Variants in AMMECR1 observed in about 807,000 individuals in gnomAD.
AMMECR1 encodes the protein nuclear protein AMMECR1.
Under a neutral mutation model 22.5 loss-of-function variants are expected in AMMECR1, and 3 were observed. The ratio of observed to expected loss-of-function variants is 0.13; its 90% CI spans 0.06 to 0.35. The LOEUF is 0.35. Ranked by LOEUF, AMMECR1 falls within the 10% of genes least tolerant of loss-of-function variation. The pLI, the probability that AMMECR1 is intolerant of heterozygous loss-of-function variation, is 1.00. For missense variants in AMMECR1, 235 were observed against 278.7 expected (o/e 0.84, Z 1.12); for synonymous variants, 130 against 116.7 (o/e 1.11, Z -0.74).
intron 2 of AMMECR1, among the ~76,000 whole-genome samples, chrX:110,410,758 T>G (rs921731548): frequency 1.1e-4 from 12 of 111,124 alleles, no homozygotes; most frequent in Non-Finnish European, 1.9e-4. Context: ...TCACCTGTCG[T>G]TTCAAGATAA....
intron 2 of AMMECR1, among the ~76,000 whole-genome samples, chrX:110,375,192 G>A (rs138278729): frequency 0.026 from 2,854 of 111,790 alleles, 86 homozygotes; most frequent in African/African-American, 0.087. Context: ...TGGTATTTAG[G>A]CAGAATAATC....
intron 2 of AMMECR1, among the ~76,000 whole-genome samples, chrX:110,413,669 G>A (rs1301665781): frequency 2.8e-5 from 3 of 107,275 alleles, no homozygotes; most frequent in African/African-American, 1.0e-4. Context: ...TTCATCATCA[G>A]TCAGAACCCC....
rs184741008 is a variant in AMMECR1 at position 110,217,991 on chromosome X, C to T, written c.585-1359G>A. 1.5e-3 allele frequency among the ~76,000 whole-genome samples: 167 copies of T among 111,064 alleles called. 2 individuals are homozygous for T. The highest frequency in any genetic ancestry group is 0.015 in the Admixed American group (151 of 10,369). ...TATATGTTTTTCCCATTCAAGATGC[C>T]AAGATTAACCAAGAAAATCAGGAAA... On this transcript the variant is annotated intron_variant, in intron 2 of 5. Transcript: ENST00000262844.
chrX:110,360,889 C>G (rs1024271992), intron 2 of AMMECR1, among the ~76,000 whole-genome samples: 2 of 111,551 alleles, frequency 1.8e-5, no homozygotes, highest in African/African-American at 6.5e-5. Context: ...GGACTGACTT[C>G]TGGAGTTGAA....
chrX:110,317,299 G>A (rs2068053444), intron 1 of AMMECR1, among the ~76,000 whole-genome samples: 1 of 111,281 alleles, frequency 9.0e-6, no homozygotes, highest in Non-Finnish European at 1.9e-5. Context: ...AGGGGTGGTG[G>A]GGGTGGTGAA....
At chrX:110,300,636 A>T (rs2067961253) in intron 1 of AMMECR1, among the ~76,000 whole-genome samples, 1 of 112,204 alleles carries the variant, frequency 8.9e-6, no homozygotes, top group Non-Finnish European at 1.9e-5. Flanking sequence ...TAAGTGGCCC[A>T]TCACAAATGG....
Position 110,198,273 on chromosome X carries a change from A to G in AMMECR1, c.*247T>C. ...TACATAATATTATAAGGAAAAAAAA[A>G]CCCAAAATTATATATGCTGCAAAAA... On this transcript the variant is annotated 3_prime_UTR_variant, in exon 6 of 6. Transcript: ENST00000262844. The G allele has an allele frequency of 4.2e-6, 1 of 237,767 alleles. No individual in the cohort carries two copies. Among genetic ancestry groups the G allele is most frequent in the Non-Finnish European group, 7.5e-6 (1 of 133,190 alleles). 19.6% of individuals were successfully genotyped at this position (237,767 alleles called of 1,213,427 possible). A position where few individuals can be genotyped will look rare whatever the true frequency, so the allele number is the denominator to read the frequency against.
intron 2 of AMMECR1, among the ~76,000 whole-genome samples, chrX:110,417,568 T>G (rs2068686887): frequency 8.9e-6 from 1 of 111,922 alleles, no homozygotes; most frequent in Non-Finnish European, 1.9e-5. Context: ...GGTTTTGTGA[T>G]GGAGGTGGGT....
chrX:110,237,456 G>A (rs915171937), intron 2 of AMMECR1, among the ~76,000 whole-genome samples: 1 of 110,710 alleles, frequency 9.0e-6, no homozygotes, highest in African/African-American at 3.3e-5. Flanking sequence ...GGGTGGAAAT[G>A]GTGCATGCCT....
chrX:110,377,354 G>C lies in AMMECR1; in HGVS notation c.-148+49304C>G, dbSNP rs193209854. 5.3e-3 allele frequency among the ~76,000 whole-genome samples: 592 copies of C among 111,649 alleles called. 3 individuals are homozygous for C. The highest frequency in any genetic ancestry group is 0.018 in the African/African-American group (557 of 30,711). The stretch of plus-strand genomic sequence containing the variant: ...AAAATTCCGTGAAATGGCCAGAATA[G>C]CGAAACACCGATACCTACAGTCTTC... On this transcript the variant is annotated intron_variant, in intron 2 of 7. Coordinates refer to the AMMECR1 transcript ENST00000372057.
chrX:110,371,933 T>C (rs1326691643), intron 2 of AMMECR1, among the ~76,000 whole-genome samples: 6 of 111,329 alleles, frequency 5.4e-5, no homozygotes, highest in African/African-American at 2.0e-4. Flanking sequence ...TCCACTCACT[T>C]CCCTGTTGAA....
At chrX:110,231,603 T>A (rs2067566761) in intron 2 of AMMECR1, among the ~76,000 whole-genome samples, 1 of 111,738 alleles carries the variant, frequency 8.9e-6, no homozygotes, top group African/African-American at 3.3e-5. Context: ...AGAAACTGCA[T>A]CAATTAACAG....
chrX:110,423,024 C>T (rs766705083), intron 2 of AMMECR1, among the ~76,000 whole-genome samples: 4 of 111,994 alleles, frequency 3.6e-5, no homozygotes, highest in Admixed American at 2.8e-4. Flanking sequence ...GTACCCTTCA[C>T]GCTCATAAAG....
At chrX:110,325,888 A>G (rs1019708316) in intron 2 of AMMECR1, among the ~76,000 whole-genome samples, 1 of 111,883 alleles carries the variant, frequency 8.9e-6, no homozygotes, top group Non-Finnish European at 1.9e-5. Flanking sequence ...TCTTCTTTTT[A>G]AATATAGGTA....
chrX:110,329,001 T>C (rs189788592), intron 2 of AMMECR1, among the ~76,000 whole-genome samples: 25 of 112,688 alleles, frequency 2.2e-4, no homozygotes, highest in Admixed American at 1.4e-3. Context: ...GATTGCTCAG[T>C]CAAATGGTAT....
At chrX:110,266,443 T>A (rs1322649274) in intron 1 of AMMECR1, among the ~76,000 whole-genome samples, 1 of 111,383 alleles carries the variant, frequency 9.0e-6, no homozygotes, top group Non-Finnish European at 1.9e-5. Context: ...AGTGCAGTGG[T>A]GCGATCTCAG....
chrX:110,327,946 T>G (rs781417665), intron 2 of AMMECR1, among the ~76,000 whole-genome samples: 1 of 111,623 alleles, frequency 9.0e-6, no homozygotes, highest in Admixed American at 9.5e-5. Flanking sequence ...TGATAACTGA[T>G]CCGGATGGAA....
intron 1 of AMMECR1, among the ~76,000 whole-genome samples, chrX:110,295,147 C>T (rs2067928801): frequency 1.8e-5 from 2 of 111,300 alleles, no homozygotes; most frequent in African/African-American, 3.3e-5. Context: ...AATAGATGTA[C>T]ACATTTAGTG....
At chrX:110,280,215 T>C (rs1415760139) in intron 1 of AMMECR1, among the ~76,000 whole-genome samples, 1 of 111,282 alleles carries the variant, frequency 9.0e-6, no homozygotes, top group Non-Finnish European at 1.9e-5. Context: ...AGCTGCTAAG[T>C]GGTAGGGCCA....
Sources: gnomAD v4.1 joint callset for allele counts (sites outside exome capture counted in the v4.1 genomes callset) on GRCh38, gnomAD v4.1.1 for gene constraint, MANE v1.5 for transcripts, NCBI Gene and HGNC (gene_info 2026-07-23, HGNC 2026-07-21) for gene names.